Variants in MGA observed in about 807,000 individuals in gnomAD.
The protein encoded by MGA is MAX dimerization protein MGA, also known as MAX gene-associated protein.
In MGA, 40 loss-of-function variants were observed where a neutral mutation model predicts 261.1. The observed-to-expected ratio is 0.15, with a 90% confidence interval of 0.12 to 0.20. MGA has a LOEUF of 0.20. MGA is among the 10% of genes least tolerant of loss of function. MGA has a pLI of 1.00. For missense variants in MGA, 3,397 were observed against 3,630.5 expected, an observed-to-expected ratio of 0.94 and a Z score of 1.65; for synonymous variants, 1,302 against 1,290.6, an observed-to-expected ratio of 1.01 and a Z score of -0.19.
intron 9 of MGA, 121 bp from the exon 10 acceptor site, chr15:41,727,059 A>G (rs1247873706): frequency 2.9e-6 from 2 of 679,128 alleles, no homozygotes; most frequent in African/African-American, 1.8e-5. Flanking sequence ...GGGGTCGTCT[A>G]TTTGATTATT....
chr15:41,700,190 G>A (rs868720230), intron 5 of MGA, among the ~76,000 whole-genome samples: 2 of 151,664 alleles, frequency 1.3e-5, no homozygotes, highest in Non-Finnish European at 2.9e-5. Flanking sequence ...GACTACAGGC[G>A]CCTGCTACCA....
intron 23 of MGA, among the ~76,000 whole-genome samples, chr15:41,765,305 T>TA (rs1167100503): frequency 6.6e-6 from 1 of 152,164 alleles, no homozygotes; most frequent in Non-Finnish European, 1.5e-5. Flanking sequence ...AGAGGAAGAA[T>TA]AAAAAAGATA....
intron 9 of MGA, chr15:41,718,429 A>G (rs1331992814): frequency 2.4e-6 from 3 of 1,266,808 alleles, no homozygotes; most frequent in Admixed American, 3.6e-5. Flanking sequence ...GATCGCAGGT[A>G]GCCCTGGAGC....
chr15:41,633,530 G>A (rs1263021270), intron 1 of MGA, among the ~76,000 whole-genome samples: 4 of 152,046 alleles, frequency 2.6e-5, no homozygotes, highest in Non-Finnish European at 5.9e-5. Context: ...ATAAAGCAGG[G>A]AAGAGAGATG....
At chr15:41,688,327 A>G (rs2059078213) in intron 2 of MGA, among the ~76,000 whole-genome samples, 1 of 152,090 alleles carries the variant, frequency 6.6e-6, no homozygotes, top group Non-Finnish European at 1.5e-5. Flanking sequence ...CCACCTGCCT[A>G]CCAGAGTGCT....
rs2059573279 is a variant in MGA at position 41,696,956 on chromosome 15, C to A, written c.1946C>A (p.Thr649Asn). ...AATACACCTGTAAGCCCTGGGAGTA[C>A]CTTTCCAGATGTGAAGCCTGATCTG... The change falls in exon 3 of 24, where the codon ACC becomes AAC. Residue 649 changes from threonine (T) to asparagine (N), a missense_variant. Thr to Asn is a moderately conservative substitution (Grantham distance 65). Around this residue, in one of 9 missense-constraint regions of MGA, gnomAD observed 563 missense variants for 563.6 expected, o/e 1.00. Coordinates refer to ENST00000219905, the MANE Select transcript of MGA (RefSeq NM_001164273.2). 6.2e-7 allele frequency: 1 copy of A among 1,603,758 alleles called. No homozygotes were observed. The highest frequency in any genetic ancestry group is 8.5e-7 in the Non-Finnish European group (1 of 1,174,998).
chr15:41,712,522 T>G (rs2060440494), intron 8 of MGA, among the ~76,000 whole-genome samples: 1 of 152,326 alleles, frequency 6.6e-6, no homozygotes, highest in African/African-American at 2.4e-5. Flanking sequence ...CTGGCCTTCA[T>G]CATTACTTTT....
chr15:41,641,288 G>A (rs2056814382), intron 1 of MGA, among the ~76,000 whole-genome samples: 1 of 151,920 alleles, frequency 6.6e-6, no homozygotes, highest in African/African-American at 2.4e-5. Context: ...TAATGCTTTT[G>A]TGACCATTAA....
chr15:41,764,313 G>A (rs2152031807), intron 22 of MGA, among the ~76,000 whole-genome samples: 1 of 148,662 alleles, frequency 6.7e-6, no homozygotes, highest in African/African-American at 2.5e-5. Context: ...GAGTGCGGTG[G>A]CGCAATCTAG....
chr15:41,708,855 A>G (rs2060243240), intron 7 of MGA, among the ~76,000 whole-genome samples: 1 of 152,210 alleles, frequency 6.6e-6, no homozygotes, highest in Non-Finnish European at 1.5e-5. Context: ...CTTCAAACTA[A>G]ACTAATCCAA....
intron 1 of MGA, among the ~76,000 whole-genome samples, chr15:41,653,433 TC>T (rs1457945451): frequency 6.6e-6 from 1 of 151,788 alleles, no homozygotes; most frequent in Non-Finnish European, 1.5e-5. Flanking sequence ...AAATAGGTGT[TC>T]CCTGCCTTCC....
chr15:41,727,160 T>C lies in MGA; in HGVS notation c.3431-20T>C. On this transcript the variant is annotated intron_variant, in intron 9 of 23. Coordinates refer to ENST00000219905, the MANE Select transcript of MGA (RefSeq NM_001164273.2). ...TTGTTGCCAAAAGTACCTAAAACCT[T>C]ACCCTTCTTTTTTGTTAAGCTATAT... 1 of 1,594,836 alleles carries C rather than the reference T, an allele frequency of 6.3e-7. No homozygotes were observed. Among genetic ancestry groups the C allele is most frequent in the Non-Finnish European group, 8.6e-7 (1 of 1,169,456 alleles).
chr15:41,652,149 T>A (rs1356073328), intron 1 of MGA, among the ~76,000 whole-genome samples: 2 of 148,522 alleles, frequency 1.3e-5, no homozygotes, highest in African/African-American at 2.5e-5. Flanking sequence ...TTTTTTATTG[T>A]ATTTTTAGTA....
intron 15 of MGA, among the ~76,000 whole-genome samples, chr15:41,745,306 A>AAAAAAAAG (rs1567070597): frequency 7.3e-6 from 1 of 136,848 alleles, no homozygotes. Flanking sequence ...AAAAAAAAAA[A>AAAAAAAAG]AGAGACAGCA....
chr15:41,658,639 G>C (rs928059009), upstream of MGA, among the ~76,000 whole-genome samples: 22 of 150,952 alleles, frequency 1.5e-4, no homozygotes, highest in Non-Finnish European at 3.1e-4. Context: ...ACTCCACTTT[G>C]AAAAACTATG....
intron 2 of MGA, among the ~76,000 whole-genome samples, chr15:41,688,639 A>G (rs558385217): frequency 8.6e-5 from 13 of 151,644 alleles, no homozygotes; most frequent in South Asian, 2.1e-4. Context: ...TCATCTTGCT[A>G]TTTCCTGCTT....
chr15:41,693,162 TTTA>T (rs932995968), intron 2 of MGA, among the ~76,000 whole-genome samples: 5 of 152,178 alleles, frequency 3.3e-5, no homozygotes, highest in East Asian at 1.9e-4. Context: ...TTTTCTTTTT[TTTA>T]TTATTATTAT....
At chr15:41,643,312 C>T (rs1335112562) in intron 1 of MGA, among the ~76,000 whole-genome samples, 2 of 151,460 alleles carry the variant, frequency 1.3e-5, no homozygotes, top group Non-Finnish European at 2.9e-5. Flanking sequence ...GTGACCTTGG[C>T]TCACTGCAAC....
chr15:41,723,532 T>C (rs542428073), intron 9 of MGA, among the ~76,000 whole-genome samples: 16 of 152,162 alleles, frequency 1.1e-4, no homozygotes, highest in Non-Finnish European at 1.9e-4. Flanking sequence ...CCTTCCGTCT[T>C]AGCCTCTGGA....
Sources: allele counts gnomAD v4.1 joint callset (sites outside exome capture counted in the v4.1 genomes callset), GRCh38; gene constraint gnomAD v4.1.1; regional missense constraint gnomAD v4.1.1; transcripts MANE v1.5; gene names NCBI Gene and HGNC (gene_info 2026-07-23, HGNC 2026-07-21).